The following GCN1 variants were observed in gnomAD, a reference collection of about 807,000 sequenced individuals.
GCN1 encodes the protein GCN1 activator of EIF2AK4, also known as stalled ribosome sensor GCN1.
A neutral mutation model predicts 288.4 loss-of-function variants in GCN1; 90 were observed. That is an observed-to-expected ratio of 0.31 (90% confidence interval 0.26 to 0.37). The LOEUF (loss-of-function observed/expected upper bound fraction) is 0.37. Among genes scored for constraint, GCN1 ranks in the 10% least tolerant of loss-of-function variants. The pLI is 1.00. For missense variants in GCN1, 2,586 were observed against 3,419.9 expected, an observed-to-expected ratio of 0.76 and a Z score of 6.08; for synonymous variants, 1,386 against 1,420.2, an observed-to-expected ratio of 0.98 and a Z score of 0.54.
In GCN1 at chr12:120,137,145, A is replaced by T; in HGVS notation, c.6777+61T>A. 1 of 1,222,680 alleles carries T rather than the reference A, an allele frequency of 8.2e-7. No homozygotes were observed. Among genetic ancestry groups the T allele is most frequent in the Non-Finnish European group, 1.2e-6 (1 of 825,806 alleles). The allele number at this position is 1,222,680 out of a possible 1,614,324, so 75.7% of individuals were successfully genotyped here. A position where few individuals can be genotyped will look rare whatever the true frequency, so the allele number is the denominator to read the frequency against. ...CTACCGCAGACCTGGGACAGGGGTA[A>T]GGGCCAGAAGGGCACAACAGACTGC... is the stretch of plus-strand genomic sequence containing the variant. On this transcript the variant is annotated intron_variant, in intron 50 of 57. Coordinates refer to ENST00000300648, the MANE Select transcript of GCN1 (RefSeq NM_006836.2). The surrounding 1 kb of genome is among the most constrained non-coding windows in gnomAD (Gnocchi z 5.2).
chr12:120,182,368 C>A (rs961341195), intron 5 of GCN1, among the ~76,000 whole-genome samples: 1 of 152,096 alleles, frequency 6.6e-6, no homozygotes, highest in African/African-American at 2.4e-5. Flanking sequence ...CCATGTTTGT[C>A]CCCAGAGGTG....
intron 9 of GCN1, among the ~76,000 whole-genome samples, chr12:120,177,199 C>CT (rs1566317005): frequency 2.6e-5 from 4 of 152,270 alleles, no homozygotes; most frequent in South Asian, 4.2e-4. Flanking sequence ...AGTTGAGCTC[C>CT]TGCGCTCAAG....
intron 55 of GCN1, 150 bp from the exon 56 acceptor site, chr12:120,130,903 G>A (rs910728108): frequency 2.9e-5 from 18 of 618,568 alleles, no homozygotes; most frequent in East Asian, 2.5e-4. Context: ...AGGCTGCCCC[G>A]GCTGAGGCAG....
rs1333695927 is a variant in GCN1 at position 120,131,250 on chromosome 12, G to A, written c.7498C>T (p.Leu2500Phe). 1 of 1,614,066 alleles carries A rather than the reference G, an allele frequency of 6.2e-7. No individual in the cohort carries two copies. The highest frequency in any genetic ancestry group is 8.5e-7 in the Non-Finnish European group (1 of 1,179,950). Reference sequence around the variant, plus strand: ...TCACTGCTATATCTGCCGGCACAAAGTCTGCCAGGAGCCACATTCACAGCC... The same window carrying A: ...TCACTGCTATATCTGCCGGCACAAAATCTGCCAGGAGCCACATTCACAGCC... Reference protein sequence around the residue: ...SVAVNVAPGRLCAGRYSSDVQ... With the variant: ...SVAVNVAPGRFCAGRYSSDVQ... Residue 2500 changes from leucine (L) to phenylalanine (F), a missense_variant, in exon 55 of 58, where the codon CTT becomes TTT. Leu to Phe is a conservative substitution (Grantham distance 22). This residue lies in a region of GCN1 where 355 missense variants were observed against 431.1 expected (regional missense o/e 0.82). Transcript: ENST00000300648.
intron 2 of GCN1, among the ~76,000 whole-genome samples, chr12:120,185,454 A>G (rs1379990610): frequency 6.6e-6 from 1 of 152,230 alleles, no homozygotes; most frequent in Admixed American, 6.5e-5. Flanking sequence ...TTAAGAAGGC[A>G]TAATACCTAT....
Position 120,175,806 on chromosome 12 carries a change from G to T in GCN1, c.982C>A (p.Gln328Lys). 1 of 1,613,372 alleles carries T rather than the reference G, an allele frequency of 6.2e-7. No homozygotes were observed. Among genetic ancestry groups the T allele is most frequent in the Non-Finnish European group, 8.5e-7 (1 of 1,179,742 alleles). The part of the protein sequence containing the change: ...AVLALRNLAR[Q>K]CSDSSAMESL... Reference sequence around the variant, plus strand: ...TCCATGGCCGAAGAGTCACTGCACTGGCGTGCCAGGTTCCGCAGTGCCAGC... The same window carrying T: ...TCCATGGCCGAAGAGTCACTGCACTTGCGTGCCAGGTTCCGCAGTGCCAGC... The change falls in exon 11 of 58, where the codon CAG becomes AAG. Residue 328 changes from glutamine to lysine, a missense_variant. By Grantham distance (53) the Gln-to-Lys change is moderately conservative (BLOSUM62 1). Around this residue, in one of 8 missense-constraint regions of GCN1, gnomAD observed 913 missense variants for 1,107.0 expected, o/e 0.82. Transcript: ENST00000300648.
At chr12:120,189,350 C>A (rs1336288323) in intron 2 of GCN1, among the ~76,000 whole-genome samples, 2 of 148,762 alleles carry the variant, frequency 1.3e-5, no homozygotes, top group African/African-American at 5.0e-5. Flanking sequence ...GGATTACAGG[C>A]GTGAGCCACC....
At chr12:120,150,484 A>G (rs1877506289) in intron 34 of GCN1, among the ~76,000 whole-genome samples, 2 of 151,998 alleles carry the variant, frequency 1.3e-5, no homozygotes, top group Non-Finnish European at 2.9e-5. Flanking sequence ...AACCCCAGCT[A>G]CTAGGGTGGC....
At chr12:120,129,135 A>T in intron 57 of GCN1, 141 bp downstream of exon 57, 1 of 739,570 alleles carries the variant, frequency 1.4e-6, no homozygotes, top group Non-Finnish European at 2.3e-6. Flanking sequence ...GGCCCCAGTC[A>T]CCCAAATCTT....
chr12:120,129,521 T>C, intron 56 of GCN1, 27 bp from the exon 57 acceptor site: 1 of 1,529,052 alleles, frequency 6.5e-7, no homozygotes, highest in Non-Finnish European at 9.1e-7. Context: ...AAACAGGCTT[T>C]TGGATAGGCA....
chr12:120,161,809 G>A (rs1877940854), intron 21 of GCN1, 71 bp downstream of exon 21: 1 of 1,437,826 alleles, frequency 7.0e-7, no homozygotes, highest in Admixed American at 1.8e-5. Flanking sequence ...GGAGGCACTG[G>A]CTCCATTCTA....
At chr12:120,193,962 A>G (rs540788301) in intron 1 of GCN1, among the ~76,000 whole-genome samples, 58 of 152,310 alleles carry the variant, frequency 3.8e-4, no homozygotes, top group African/African-American at 1.3e-3. Context: ...TCACCTTAAA[A>G]CATAACAACT....
intron 45 of GCN1, among the ~76,000 whole-genome samples, 170 bp downstream of exon 45, chr12:120,140,689 G>C (rs115677480): frequency 6.6e-6 from 1 of 152,162 alleles, no homozygotes. Flanking sequence ...CTGAGAAGAC[G>C]GAGCCTCAAG....
In GCN1 at chr12:120,177,570, G is replaced by C. The variant is rs776613737; in HGVS notation, c.730-15C>G. On this transcript the variant is annotated splice_polypyrimidine_tract_variant and intron_variant, in intron 8 of 57. Transcript: ENST00000300648. ...GCACAGCTATCCTACAAAGAAAAAGGAATAAGGCACCTAGCCCTCATGGGA... is the reference window on the plus strand; with the variant it reads ...GCACAGCTATCCTACAAAGAAAAAGCAATAAGGCACCTAGCCCTCATGGGA... 1 of 1,576,922 alleles carries C rather than the reference G, an allele frequency of 6.3e-7. No individual in the cohort carries two copies. Among genetic ancestry groups the C allele is most frequent in the Non-Finnish European group, 8.7e-7 (1 of 1,146,164 alleles).
chr12:120,136,674 T>A lies in GCN1; in HGVS notation c.6836A>T (p.Gln2279Leu). ...TAAGGCTTTGGCTGCCTCCTCCTTC[T>A]GCTCAGGGCTGCCAGTCAGGACTCC... ...REGVLTGSPE[Q>L]KEEAAKALGL... The change falls in exon 51 of 58, where the codon CAG (glutamine) becomes CTG (leucine). Residue 2279 changes from glutamine (Q) to leucine (L), a missense_variant. Physicochemically the swap from Gln to Leu is moderately radical, Grantham distance 113 (BLOSUM62 -2). Around this residue, in one of 8 missense-constraint regions of GCN1, gnomAD observed 437 missense variants for 570.5 expected, o/e 0.77. Transcript: ENST00000300648. The A allele has an allele frequency of 6.2e-7, 1 of 1,614,082 alleles. No homozygotes were observed. Among genetic ancestry groups the A allele is most frequent in the Non-Finnish European group, 8.5e-7 (1 of 1,180,022 alleles).
In GCN1 at chr12:120,142,351, T is replaced by C. The variant is rs1263124698; in HGVS notation, c.5829+156A>G. Among the ~76,000 whole-genome samples the C allele has an allele frequency of 1.3e-5, 2 of 152,046 alleles. No homozygotes were observed. Among genetic ancestry groups the C allele is most frequent in the East Asian group, 1.9e-4 (1 of 5,186 alleles). ...AAAAAAATAAATAAAATAAAATTAA[T>C]CAAAAAATATTTGCAGAATGACTAA... On this transcript the variant is annotated intron_variant, in intron 44 of 57. Transcript: ENST00000300648. This position sits in a 1 kb window ranked among gnomAD's most constrained non-coding sequence, Gnocchi z 4.9.
chr12:120,152,427 A>AATATATATATATTTATATATATATAT (rs1877593053), intron 33 of GCN1, among the ~76,000 whole-genome samples: 1 of 126,858 alleles, frequency 7.9e-6, no homozygotes, highest in Non-Finnish European at 1.6e-5. Context: ...TATATATATA[A>AATATATATATATTTATATATATATAT]ATATATATAT....
rs1173887473 is a variant in GCN1 at position 120,155,898 on chromosome 12, G to C, written c.3313-179C>G. 6.6e-6 allele frequency among the ~76,000 whole-genome samples: 1 copy of C among 152,042 alleles called. No individual in the cohort carries two copies. Among genetic ancestry groups the C allele is most frequent in the East Asian group, 1.9e-4 (1 of 5,200 alleles). On this transcript the variant is annotated intron_variant, in intron 28 of 57. Coordinates refer to ENST00000300648, the MANE Select transcript of GCN1 (RefSeq NM_006836.2). This position sits in a 1 kb window ranked among gnomAD's most constrained non-coding sequence, Gnocchi z 4.9. ...TCCTTAGAGTGTGAGGTGGTAAAAT[G>C]TTTTTTTAATGTGAAAATTAAAACG... is the stretch of plus-strand genomic sequence containing the variant.
chr12:120,137,296 C>T lies in GCN1; in HGVS notation c.6687G>A (p.Leu2229=). ...ITKKLDAGNQ[L]ALIEELHKEI... ...CCTTGTGCAGCTCTTCAATGAGTGC[C>T]AACTGGTTGCCAGCATCCAGCTTCT... Residue 2229 remains leucine, a synonymous_variant, in exon 50 of 58, where the codon TTG becomes TTA. Transcript: ENST00000300648. The surrounding 1 kb of genome is among the most constrained non-coding windows in gnomAD (Gnocchi z 5.2). The T allele has an allele frequency of 6.2e-7, 1 of 1,614,024 alleles. No homozygotes were observed.
Sources: allele counts gnomAD v4.1 joint callset (sites outside exome capture counted in the v4.1 genomes callset), GRCh38; gene constraint gnomAD v4.1.1; regional missense constraint gnomAD v4.1.1; non-coding constraint Gnocchi (gnomAD v3.1); transcripts MANE v1.5; gene names NCBI Gene and HGNC (gene_info 2026-07-23, HGNC 2026-07-21).